Variants in SNAPC1 observed in about 807,000 individuals in gnomAD.
The protein encoded by SNAPC1 is snRNA-activating protein complex subunit 1.
A neutral mutation model predicts 50.1 loss-of-function variants in SNAPC1; 42 were observed. That is an observed-to-expected ratio of 0.84 (90% confidence interval 0.65 to 1.08). The LOEUF (loss-of-function observed/expected upper bound fraction) is 1.08, where lower values mean the gene tolerates loss of function less well. Ranked by LOEUF, SNAPC1 falls within the 50% of genes least tolerant of loss-of-function variation. The pLI is 0.00. For synonymous variants in SNAPC1, 164 were observed against 144.2 expected (o/e 1.14, Z -0.98); for missense variants, 477 against 427.3 (o/e 1.12, Z -1.02).
intron 4 of SNAPC1, among the ~76,000 whole-genome samples, chr14:61,769,311 G>A (rs1223555337): frequency 1.3e-5 from 2 of 151,232 alleles, no homozygotes; most frequent in African/African-American, 2.4e-5. Context: ...AGCTGAGATC[G>A]CACCGCTGCA....
chr14:61,782,378 G>A lies in SNAPC1; in HGVS notation c.957G>A (p.Lys319=). 1 of 1,609,682 alleles carries A rather than the reference G, an allele frequency of 6.2e-7. No individual in the cohort carries two copies. The highest frequency in any genetic ancestry group is 8.5e-7 in the Non-Finnish European group (1 of 1,178,828). ...AAAGATTGAAACCAGCAGGAAGGAA[G>A]ATGTCTCTCAGAAACAAAGGTAACT... ...KKERLKPAGR[K]MSLRNKGNVQ... The change falls in exon 8 of 10, where the codon AAG becomes AAA. Residue 319 remains lysine (K), a synonymous_variant. Transcript: ENST00000216294.
rs184304846 is a variant in SNAPC1 at position 61,766,599 on chromosome 14, G to A, written c.129-277G>A. On this transcript the variant is annotated intron_variant, in intron 1 of 9. Transcript: ENST00000216294. ...ATAACCATGATTATTTTAACATTAT[G>A]GGTTTTAAATATTTAACCAATAGTA... Among the ~76,000 whole-genome samples, 34 of 152,224 alleles carry A rather than the reference G, an allele frequency of 2.2e-4. 1 individual carries two copies. In the Middle Eastern group the frequency reaches 0.031, roughly 137 times the overall value.
At chr14:61,765,206 T>G (rs1178549632) in intron 1 of SNAPC1, among the ~76,000 whole-genome samples, 2 of 152,242 alleles carry the variant, frequency 1.3e-5, no homozygotes, top group East Asian at 3.8e-4. Context: ...TTAAAATTTT[T>G]TGTTAACTTA....
Position 61,767,323 on chromosome 14 carries a change from G to A in SNAPC1, c.400G>A (p.Ala134Thr). 6.7e-7 allele frequency: 1 copy of A among 1,495,090 alleles called. No homozygotes were observed. Among genetic ancestry groups the A allele is most frequent in the South Asian group, 1.4e-5 (1 of 71,824 alleles). 92.6% of individuals were successfully genotyped at this position (1,495,090 alleles called of 1,614,324 possible). A position where few individuals can be genotyped will look rare whatever the true frequency, so the allele number is the denominator to read the frequency against. ...YIFRKLRLDR[A>T]FHFTAMPKLL... ...TTTTAGGAAGCTACGACTAGACAGA[G>A]CATTTCACTTTACAGCAATGCCCAA... Residue 134 changes from alanine to threonine, a missense_variant, in exon 3 of 10, where the codon GCA becomes ACA. Ala to Thr is a moderately conservative substitution (Grantham distance 58). Transcript: ENST00000216294.
At chr14:61,775,118 T>G (rs1566589529) in intron 4 of SNAPC1, among the ~76,000 whole-genome samples, 1 of 152,074 alleles carries the variant, frequency 6.6e-6, no homozygotes, top group Non-Finnish European at 1.5e-5. Context: ...CTATGCCAGG[T>G]TTTCTTAAGT....
chr14:61,763,465 A>G lies in SNAPC1; in HGVS notation c.128+877A>G, dbSNP rs988443858. Among the ~76,000 whole-genome samples the G allele has an allele frequency of 2.3e-4, 31 of 133,704 alleles. No homozygotes were observed. The Admixed American group carries it at 2.4e-3, about 10-fold the overall frequency. 87.7% of individuals were successfully genotyped at this position (133,704 alleles called of 152,430 possible). On this transcript the variant is annotated intron_variant, in intron 1 of 9. Coordinates refer to ENST00000216294, the MANE Select transcript of SNAPC1 (RefSeq NM_003082.4). ...GCCTGCCAGTCCCCTCCATGCACTC[A>G]CTTTCTTGCTCCAGCAGCTGCTTTT...
chr14:61,792,954 G>A (rs1359437389), intron 9 of SNAPC1, 52 bp downstream of exon 9: 2 of 878,428 alleles, frequency 2.3e-6, no homozygotes, highest in Non-Finnish European at 1.8e-6. Flanking sequence ...TATACTCGTA[G>A]AGCATCAAGG....
At position 61,762,550 on chromosome 14, in the gene SNAPC1, G is replaced by A. The variant is rs1477478455; in HGVS notation, c.90G>A (p.Thr30=). 6 of 1,520,504 alleles carry A rather than the reference G, an allele frequency of 3.9e-6. No homozygotes were observed. The highest frequency in any genetic ancestry group is 2.5e-5 in the South Asian group (2 of 80,270). The allele number at this position is 1,520,504 out of a possible 1,614,324, so 94.2% of individuals were successfully genotyped here. ...ACAGTGTACGCTTCGAGGACTTCAC[G>A]GAGCTCTGGAGAAACATGAAGTTCG... ...ETDSVRFEDF[T]ELWRNMKFGT... The change falls in exon 1 of 10, where the codon ACG becomes ACA. Residue 30 remains threonine (T), a synonymous_variant. Transcript: ENST00000216294.
chr14:61,784,308 C>T (rs983257222), intron 8 of SNAPC1, among the ~76,000 whole-genome samples: 1 of 152,058 alleles, frequency 6.6e-6, no homozygotes, highest in African/African-American at 2.4e-5. Flanking sequence ...TAATCCTAGA[C>T]ACAAAAATAC....
intron 7 of SNAPC1, among the ~76,000 whole-genome samples, chr14:61,780,729 C>T (rs2045065598): frequency 1.3e-5 from 2 of 152,120 alleles, no homozygotes; most frequent in Admixed American, 1.3e-4. Context: ...TGTCAACCAT[C>T]AGGTGGTCGT....
intron 3 of SNAPC1, among the ~76,000 whole-genome samples, chr14:61,768,178 G>T (rs917077440): frequency 3.3e-5 from 5 of 152,200 alleles, no homozygotes; most frequent in Admixed American, 6.5e-5. Context: ...GTGTATCTGG[G>T]TGCCACATAT....
chr14:61,764,508 T>C (rs1007956720), intron 1 of SNAPC1, among the ~76,000 whole-genome samples: 1 of 152,166 alleles, frequency 6.6e-6, no homozygotes, highest in African/African-American at 2.4e-5. Flanking sequence ...AAGACAGTTA[T>C]AAAAAGCAGG....
At chr14:61,773,899 G>A (rs1483641340) in intron 4 of SNAPC1, among the ~76,000 whole-genome samples, 2 of 150,234 alleles carry the variant, frequency 1.3e-5, no homozygotes, top group Non-Finnish European at 3.0e-5. Flanking sequence ...AGTAGAAATG[G>A]GGTTTCACCA....
At chr14:61,794,228 C>T (rs2045172333) in intron 9 of SNAPC1, among the ~76,000 whole-genome samples, 1 of 151,794 alleles carries the variant, frequency 6.6e-6, no homozygotes, top group Non-Finnish European at 1.5e-5. Flanking sequence ...GATCTAGTAC[C>T]CTGGGTTCAT....
intron 4 of SNAPC1, among the ~76,000 whole-genome samples, chr14:61,775,463 C>A (rs1399226265): frequency 6.6e-6 from 1 of 152,024 alleles, no homozygotes; most frequent in Non-Finnish European, 1.5e-5. Context: ...ACCATGTTGG[C>A]CAGTCTGGTC....
intron 9 of SNAPC1, 68 bp from the exon 10 acceptor site, chr14:61,794,881 A>AGTT (rs2045177482): frequency 9.8e-7 from 1 of 1,016,138 alleles, no homozygotes; most frequent in Non-Finnish European, 1.5e-6. Context: ...TGTAAGTGTC[A>AGTT]GTTGTTTTTT....
At chr14:61,763,073 C>G (rs1259661023) in intron 1 of SNAPC1, among the ~76,000 whole-genome samples, 1 of 142,342 alleles carries the variant, frequency 7.0e-6, no homozygotes, top group Non-Finnish European at 1.5e-5. Context: ...TCAGTGCAAC[C>G]CTTCGCCTCT....
rs1413534324 is a variant in SNAPC1 at position 61,792,815 on chromosome 14, C to T, written c.985C>T (p.Gln329Ter). 1.3e-6 allele frequency: 2 copies of T among 1,519,592 alleles called. No homozygotes were observed. Among genetic ancestry groups the T allele is most frequent in the South Asian group, 1.2e-5 (1 of 83,044 alleles). The allele number at this position is 1,519,592 out of a possible 1,614,324, so 94.1% of individuals were successfully genotyped here. A position where few individuals can be genotyped will look rare whatever the true frequency, so the allele number is the denominator to read the frequency against. Reference sequence around the variant, plus strand: ...TTTCTAAATATTTCTAGGCAATGTGCAGAATATACACAAGGAAGATAAACC... The same window carrying T: ...TTTCTAAATATTTCTAGGCAATGTGTAGAATATACACAAGGAAGATAAACC... The part of the protein sequence containing the change: ...KMSLRNKGNV[Q>*]NIHKEDKPLS... The change falls in exon 9 of 10, where the codon CAG (glutamine) becomes TAG (stop). Residue 329 changes from glutamine (Q) to a stop codon, truncating the protein, a stop_gained. Transcript: ENST00000216294. LOFTEE classifies it high-confidence loss of function.
In SNAPC1 at chr14:61,767,211, G is replaced by T; in HGVS notation, c.289-1G>T. The T allele has an allele frequency of 6.9e-7, 1 of 1,450,042 alleles. No homozygotes were observed. Among genetic ancestry groups the T allele is most frequent in the South Asian group, 1.6e-5 (1 of 61,048 alleles). The allele number at this position is 1,450,042 out of a possible 1,614,324, so 89.8% of individuals were successfully genotyped here. A position where few individuals can be genotyped will look rare whatever the true frequency, so the allele number is the denominator to read the frequency against. On this transcript the variant is annotated splice_acceptor_variant, in intron 2 of 9. Coordinates refer to ENST00000216294, the MANE Select transcript of SNAPC1 (RefSeq NM_003082.4). LOFTEE classifies it high-confidence loss of function. ...CAACTTTTTTTTCTTCCTGGTTGCA[G>T]ATCAGAGTTGCCCTGAAGGATTGGG...
Sources: gnomAD v4.1 joint callset for allele counts (sites outside exome capture counted in the v4.1 genomes callset) on GRCh38, gnomAD v4.1.1 for gene constraint, MANE v1.5 for transcripts, NCBI Gene and HGNC (gene_info 2026-07-23, HGNC 2026-07-21) for gene names.